Variants in RSPH14 observed in about 807,000 individuals in gnomAD.
The protein encoded by RSPH14 is radial spoke head 14 homolog.
A neutral mutation model predicts 26.7 loss-of-function variants in RSPH14; 20 were observed. The ratio of observed to expected loss-of-function variants is 0.75; its 90% CI spans 0.53 to 1.09. The LOEUF is 1.09. Among genes scored for constraint, RSPH14 ranks in the 50% least tolerant of loss-of-function variants. RSPH14 has a pLI of 0.00. For missense variants in RSPH14, 449 were observed against 457.2 expected (o/e 0.98, Z 0.16); for synonymous variants, 177 against 189.3 (o/e 0.93, Z 0.53).
At chr22:23,127,413 G>A (rs1436466355) in intron 4 of RSPH14, among the ~76,000 whole-genome samples, 1 of 152,220 alleles carries the variant, frequency 6.6e-6, no homozygotes, top group South Asian at 2.1e-4. Flanking sequence ...ATGTGCCTGG[G>A]GTTCTGGTGC....
chr22:23,125,923 A>G (rs749311076), intron 4 of RSPH14, among the ~76,000 whole-genome samples: 15 of 152,190 alleles, frequency 9.9e-5, no homozygotes, highest in Non-Finnish European at 2.1e-4. Context: ...ACACGCATGC[A>G]TGCACACAAG....
intron 4 of RSPH14, among the ~76,000 whole-genome samples, chr22:23,102,229 T>C (rs1156702800): frequency 6.6e-6 from 1 of 152,204 alleles, no homozygotes; most frequent in Admixed American, 6.5e-5. Context: ...CAGTGAATGA[T>C]GGGTATCTGC....
At chr22:23,065,534 CAAAAAAAAAAA>C (rs10562943) in intron 4 of RSPH14, among the ~76,000 whole-genome samples, 2,919 of 45,222 alleles carry the variant, frequency 0.065, 176 homozygotes, top group African/African-American at 0.24. Context: ...GCACAGATTG[CAAAAAAAAAAA>C]AAAAAAAAAA....
intron 4 of RSPH14, among the ~76,000 whole-genome samples, chr22:23,094,555 C>A (rs552619909): frequency 6.2e-4 from 95 of 152,338 alleles, no homozygotes; most frequent in Non-Finnish European, 1.1e-3. Context: ...GCCCCCAGCT[C>A]CTTGGTCTCA....
chr22:23,166,806 C>T, the RSPH14 span, among the ~76,000 whole-genome samples: 2 of 152,180 alleles, frequency 1.3e-5, no homozygotes, highest in Non-Finnish European at 2.9e-5. Context: ...CCACCACCCA[C>T]CACCCACTGG....
the RSPH14 span, chr22:23,156,061 C>T: frequency 6.3e-7 from 1 of 1,594,058 alleles, no homozygotes; most frequent in East Asian, 2.3e-5. Context: ...CGGGGCTCAA[C>T]TGCATGCAGC....
At chr22:23,135,053 C>G (rs1418899129) in intron 3 of RSPH14, among the ~76,000 whole-genome samples, 1 of 152,002 alleles carries the variant, frequency 6.6e-6, no homozygotes, top group Non-Finnish European at 1.5e-5. Context: ...TGCCTGTGTT[C>G]CCACCTACTC....
chr22:23,075,679 C>T (rs1000651890), intron 4 of RSPH14, among the ~76,000 whole-genome samples: 3 of 152,194 alleles, frequency 2.0e-5, no homozygotes, highest in Admixed American at 6.5e-5. Context: ...GTGTCAAGCC[C>T]GGGGGTGTTC....
chr22:23,130,084 GAAGAAAGAAAGAAAGAAAGA>G (rs1221656067), intron 4 of RSPH14, among the ~76,000 whole-genome samples: 1,370 of 51,748 alleles, frequency 0.026, 24 homozygotes, highest in South Asian at 0.042. Context: ...AGAAAGAAAG[GAAGAAAGAAAGAAAGAAAGA>G]AAGAAAGAAA....
chr22:23,110,744 CAG>C (rs1354389058), intron 4 of RSPH14, among the ~76,000 whole-genome samples: 2 of 152,210 alleles, frequency 1.3e-5, no homozygotes, highest in African/African-American at 4.8e-5. Flanking sequence ...AGTGCGTCTG[CAG>C]AGAGTTCATG....
chr22:23,079,887 AG>A (rs2068626980), intron 4 of RSPH14, among the ~76,000 whole-genome samples: 1 of 152,194 alleles, frequency 6.6e-6, no homozygotes, highest in Non-Finnish European at 1.5e-5. Context: ...TCATGCCCCT[AG>A]GTCCCCAAGG....
rs2070612207 is a variant in RSPH14 at position 23,141,964 on chromosome 22, T to C, written c.-68A>G. On this transcript the variant is annotated 5_prime_UTR_variant, in exon 1 of 7. Transcript: ENST00000216036. ...GCCGCCTCACCTGCCTCCGCAGCCC[T>C]TTCTGCTTCCAGTAGCCCGCGCCAC... The C allele has an allele frequency of 2.6e-5, 26 of 985,528 alleles. No homozygotes were observed. The highest frequency in any genetic ancestry group is 1.2e-4 in the Admixed American group (2 of 16,274). The allele number at this position is 985,528 out of a possible 1,614,324, so 61.0% of individuals were successfully genotyped here.
chr22:23,089,792 G>C (rs1432086222), intron 4 of RSPH14, among the ~76,000 whole-genome samples: 1 of 152,178 alleles, frequency 6.6e-6, no homozygotes, highest in Non-Finnish European at 1.5e-5. Flanking sequence ...AGTGGGCTCA[G>C]GGCTTGGAGA....
intron 4 of RSPH14, among the ~76,000 whole-genome samples, chr22:23,093,601 ACT>A (rs1398211140): frequency 6.6e-6 from 1 of 152,084 alleles, no homozygotes; most frequent in Non-Finnish European, 1.5e-5. Context: ...ACTGGCTGTC[ACT>A]CTCTGAGGAC....
At chr22:23,130,064 AAAGAAAGAAAGAAAGAAAGG>A (rs1479749569) in intron 4 of RSPH14, among the ~76,000 whole-genome samples, 2,618 of 36,026 alleles carry the variant, frequency 0.073, 200 homozygotes, top group African/African-American at 0.16. Context: ...AAAGAAAAAG[AAAGAAAGAAAGAAAGAAAGG>A]AAGAAAGAAA....
the RSPH14 span, among the ~76,000 whole-genome samples, chr22:23,160,522 A>T: frequency 6.6e-6 from 1 of 152,222 alleles, no homozygotes; most frequent in African/African-American, 2.4e-5. Flanking sequence ...GCAGGCACAT[A>T]TCTGTCCTGA....
At chr22:23,130,099 GAAA>G (rs2070297480) in intron 4 of RSPH14, among the ~76,000 whole-genome samples, 1 of 64,656 alleles carries the variant, frequency 1.5e-5, no homozygotes, top group Admixed American at 1.7e-4. Context: ...AAGAAAGAAA[GAAA>G]GAAAGAAAGA....
At chr22:23,096,461 G>A (rs190421220) in intron 4 of RSPH14, 39 of 1,557,196 alleles carry the variant, frequency 2.5e-5, no homozygotes, top group Non-Finnish European at 2.9e-5. Flanking sequence ...TCCTGCTGTC[G>A]TGGGTTCCTG....
intron 4 of RSPH14, among the ~76,000 whole-genome samples, chr22:23,110,172 G>A (rs776935933): frequency 2.0e-5 from 3 of 152,162 alleles, no homozygotes; most frequent in Non-Finnish European, 4.4e-5. Flanking sequence ...GCTTTCCTTG[G>A]GGCAAGGGTA....
Sources: gnomAD v4.1 joint callset for allele counts (sites outside exome capture counted in the v4.1 genomes callset) on GRCh38, gnomAD v4.1.1 for gene constraint, MANE v1.5 for transcripts, NCBI Gene and HGNC (gene_info 2026-07-23, HGNC 2026-07-21) for gene names.